Variants in MSRB3 observed in about 807,000 individuals in gnomAD.
MSRB3 encodes the protein methionine sulfoxide reductase B3, also known as methionine-R-sulfoxide reductase B3.
A neutral mutation model predicts 21.0 loss-of-function variants in MSRB3; 13 were observed. The observed-to-expected ratio is 0.62, with a 90% confidence interval of 0.40 to 0.98. MSRB3 has a LOEUF of 0.98. Among genes scored for constraint, MSRB3 ranks in the 50% least tolerant of loss-of-function variants. The probability of loss-of-function intolerance (pLI) is 0.00; values close to 1 mark genes in which losing one functional copy is unlikely to be tolerated. For synonymous variants in MSRB3, 87 were observed against 88.6 expected, an observed-to-expected ratio of 0.98 and a Z score of 0.10; for missense variants, 199 against 230.3, an observed-to-expected ratio of 0.86 and a Z score of 0.88.
chr12:65,411,495 A>G (rs572617157), intron 5 of MSRB3, among the ~76,000 whole-genome samples: 6 of 152,116 alleles, frequency 3.9e-5, no homozygotes, highest in African/African-American at 1.4e-4. Flanking sequence ...TAAAATTTGT[A>G]CTCTTTTACC....
chr12:65,375,045 C>T (rs1326269771), intron 5 of MSRB3, among the ~76,000 whole-genome samples: 2 of 147,868 alleles, frequency 1.4e-5, no homozygotes, highest in Admixed American at 6.8e-5. Flanking sequence ...TTAGTAGAGA[C>T]GGGGTTTCAC....
At chr12:65,367,398 T>A (rs920595897) in intron 4 of MSRB3, among the ~76,000 whole-genome samples, 2 of 152,120 alleles carry the variant, frequency 1.3e-5, no homozygotes, top group African/African-American at 4.8e-5. Flanking sequence ...GAGATGCATT[T>A]TAGGACCCAG....
chr12:65,301,715 G>A (rs528782488), intron 1 of MSRB3, among the ~76,000 whole-genome samples: 22 of 152,154 alleles, frequency 1.4e-4, no homozygotes, highest in Non-Finnish European at 2.6e-4. Context: ...ACTACCATTT[G>A]TTGATCTTCG....
At chr12:65,279,133 A>C in intron 1 of MSRB3, 15 of 1,271,310 alleles carry the variant, frequency 1.2e-5, no homozygotes, top group East Asian at 9.7e-5. Context: ...CTGACACCTT[A>C]TCCTGTCCCG....
intron 1 of MSRB3, among the ~76,000 whole-genome samples, chr12:65,291,284 C>T (rs1398951990): frequency 6.6e-6 from 1 of 151,886 alleles, no homozygotes; most frequent in Non-Finnish European, 1.5e-5. Flanking sequence ...TGGGGTTTCT[C>T]CATGTTGGGC....
chr12:65,442,814 T>G (rs555544147), intron 5 of MSRB3, among the ~76,000 whole-genome samples: 1 of 152,234 alleles, frequency 6.6e-6, no homozygotes, highest in South Asian at 2.1e-4. Flanking sequence ...CTGTTACATG[T>G]GATGTAGCTC....
intron 4 of MSRB3, among the ~76,000 whole-genome samples, chr12:65,349,717 G>A (rs1180471928): frequency 6.7e-6 from 1 of 150,316 alleles, no homozygotes; most frequent in South Asian, 2.1e-4. Context: ...CTTTTGAGAA[G>A]TGTCTGTTCA....
At chr12:65,322,114 A>G (rs2136443086) in intron 2 of MSRB3, among the ~76,000 whole-genome samples, 1 of 152,310 alleles carries the variant, frequency 6.6e-6, no homozygotes, top group South Asian at 2.1e-4. Flanking sequence ...CTTAATAGGA[A>G]GTTAAAAAAG....
chr12:65,419,456 T>C (rs1881160574), intron 5 of MSRB3: 2 of 746,898 alleles, frequency 2.7e-6, no homozygotes, highest in Non-Finnish European at 4.9e-6. Context: ...GTGTCATCAA[T>C]GACCTTGCAG....
At chr12:65,405,811 T>G (rs564170605) in intron 5 of MSRB3, among the ~76,000 whole-genome samples, 1 of 152,292 alleles carries the variant, frequency 6.6e-6, no homozygotes, top group African/African-American at 2.4e-5. Context: ...GTGGTTTGGG[T>G]TTGCATTTTC....
chr12:65,317,172 T>C (rs770805133), intron 2 of MSRB3, among the ~76,000 whole-genome samples: 1 of 152,286 alleles, frequency 6.6e-6, no homozygotes, highest in South Asian at 2.1e-4. Context: ...AAATTCATCA[T>C]TTCCCAAATT....
intron 5 of MSRB3, among the ~76,000 whole-genome samples, chr12:65,372,866 GGGA>G (rs908221684): frequency 2.6e-5 from 4 of 152,156 alleles, no homozygotes; most frequent in Non-Finnish European, 5.9e-5. Flanking sequence ...CATCTGGATG[GGGA>G]GGATCACAAG....
intron 5 of MSRB3, among the ~76,000 whole-genome samples, chr12:65,414,005 G>A (rs917049422): frequency 1.3e-5 from 2 of 152,158 alleles, no homozygotes; most frequent in African/African-American, 4.8e-5. Context: ...AAGCAGGCCA[G>A]TATTGCTGTA....
intron 4 of MSRB3, among the ~76,000 whole-genome samples, chr12:65,349,359 C>T (rs1296823177): frequency 1.4e-5 from 2 of 145,520 alleles, no homozygotes; most frequent in Non-Finnish European, 3.0e-5. Flanking sequence ...AATAATGCCA[C>T]AATAAACATA....
At chr12:65,379,218 C>CCA (rs1220502964) in intron 5 of MSRB3, among the ~76,000 whole-genome samples, 1 of 151,652 alleles carries the variant, frequency 6.6e-6, no homozygotes, top group African/African-American at 2.4e-5. Context: ...ATCCATCCAT[C>CCA]TACCCATCCA....
At chr12:65,427,071 G>A (rs559467779) in intron 5 of MSRB3, among the ~76,000 whole-genome samples, 5 of 152,230 alleles carry the variant, frequency 3.3e-5, no homozygotes, top group African/African-American at 1.2e-4. Flanking sequence ...GGAAATTATT[G>A]TGTTCTCTTG....
At position 65,394,213 on chromosome 12, in the gene MSRB3, A is replaced by G. The variant is rs1002740978; in HGVS notation, c.292+25187A>G. On this transcript the variant is annotated intron_variant, in intron 5 of 6. Coordinates refer to ENST00000308259, the MANE Select transcript of MSRB3 (RefSeq NM_001031679.3). ...ATTTTAATTTTATTTTATTCAAAAC[A>G]TTTTTGCTTGATATTTTAGAACTTC... Among the ~76,000 whole-genome samples, 7 of 152,186 alleles carry G rather than the reference A, an allele frequency of 4.6e-5. No homozygotes were observed. In the South Asian group the frequency reaches 6.2e-4, roughly 14 times the overall value.
At chr12:65,408,372 C>T (rs1013312963) in intron 5 of MSRB3, among the ~76,000 whole-genome samples, 5 of 152,148 alleles carry the variant, frequency 3.3e-5, no homozygotes, top group Non-Finnish European at 7.3e-5. Flanking sequence ...GGATTACAGG[C>T]GTGAGCCACC....
intron 5 of MSRB3, among the ~76,000 whole-genome samples, chr12:65,409,905 C>A (rs1310109640): frequency 6.6e-6 from 1 of 152,082 alleles, no homozygotes; most frequent in Non-Finnish European, 1.5e-5. Context: ...GTTATAAACA[C>A]TTTTGGTAAT....
Sources: allele counts gnomAD v4.1 joint callset (sites outside exome capture counted in the v4.1 genomes callset), GRCh38; gene constraint gnomAD v4.1.1; transcripts MANE v1.5; gene names NCBI Gene and HGNC (gene_info 2026-07-23, HGNC 2026-07-21).